Variants in TENM4 observed in about 807,000 individuals in gnomAD.
TENM4 encodes teneurin-4.
TENM4 carries 82 observed loss-of-function variants against 243.3 expected under a neutral mutation model. The ratio of observed to expected loss-of-function variants is 0.34; its 90% CI spans 0.28 to 0.40. The LOEUF is 0.40. TENM4 is among the 10% of genes least tolerant of loss of function. TENM4 has a pLI of 1.00. For synonymous variants in TENM4, 1,412 were observed against 1,456.3 expected, an observed-to-expected ratio of 0.97 and a Z score of 0.69; for missense variants, 3,138 against 3,673.3, an observed-to-expected ratio of 0.85 and a Z score of 3.77.
chr11:79,154,760 C>A (rs1862570551), intron 3 of TENM4, among the ~76,000 whole-genome samples: 2 of 152,058 alleles, frequency 1.3e-5, no homozygotes, highest in South Asian at 4.1e-4. Context: ...TTCTCAGAGC[C>A]CTTGTGATCA....
intron 1 of TENM4, among the ~76,000 whole-genome samples, chr11:79,381,119 A>G (rs1367107548): frequency 6.6e-6 from 1 of 152,114 alleles, no homozygotes; most frequent in Non-Finnish European, 1.5e-5. Context: ...CGTGCAGGTC[A>G]GATAGCCCTT....
intron 18 of TENM4, among the ~76,000 whole-genome samples, chr11:78,768,383 G>A (rs144648326): frequency 1.3e-5 from 2 of 152,386 alleles, no homozygotes; most frequent in Non-Finnish European, 2.9e-5. Flanking sequence ...CCATGGGACA[G>A]AAACCACATC....
intron 15 of TENM4, among the ~76,000 whole-genome samples, chr11:78,801,779 A>G (rs1175495681): frequency 6.6e-6 from 1 of 152,146 alleles, no homozygotes; most frequent in African/African-American, 2.4e-5. Flanking sequence ...ATCACTTGGG[A>G]TTTGTCCTTT....
chr11:78,746,017 A>G (rs1053257214), intron 19 of TENM4, among the ~76,000 whole-genome samples: 4 of 152,046 alleles, frequency 2.6e-5, no homozygotes, highest in Non-Finnish European at 5.9e-5. Flanking sequence ...CAGTGGCATG[A>G]TCTTGGCTCA....
intron 6 of TENM4, among the ~76,000 whole-genome samples, chr11:78,980,782 G>T (rs1249741804): frequency 6.6e-6 from 1 of 152,212 alleles, no homozygotes; most frequent in African/African-American, 2.4e-5. Flanking sequence ...GGGGCTTAAA[G>T]AGTTCTATGA....
chr11:79,228,345 C>G (rs1335517257), intron 2 of TENM4, among the ~76,000 whole-genome samples: 4 of 152,110 alleles, frequency 2.6e-5, no homozygotes, highest in Non-Finnish European at 5.9e-5. Flanking sequence ...ATTGACTGAC[C>G]CAAGTGTCCC....
At chr11:79,267,747 T>C (rs1005847852) in intron 2 of TENM4, among the ~76,000 whole-genome samples, 1 of 152,216 alleles carries the variant, frequency 6.6e-6, no homozygotes, top group Non-Finnish European at 1.5e-5. Flanking sequence ...TGATAAACTG[T>C]AGTTTGTTGA....
chr11:79,426,260 C>G (rs1337854901), intron 1 of TENM4, among the ~76,000 whole-genome samples: 2 of 152,188 alleles, frequency 1.3e-5, no homozygotes, highest in East Asian at 3.9e-4. Flanking sequence ...ATAAGATATT[C>G]AAGTTCCCCA....
chr11:79,273,291 AAAAGTTAAAGT>A (rs1293296416), intron 2 of TENM4, among the ~76,000 whole-genome samples: 1 of 152,232 alleles, frequency 6.6e-6, no homozygotes, highest in African/African-American at 2.4e-5. Context: ...AGAGATGTTA[AAAAGTTAAAGT>A]AACCATCTTA....
chr11:79,430,417 C>T (rs544792657), intron 1 of TENM4, among the ~76,000 whole-genome samples: 31 of 152,280 alleles, frequency 2.0e-4, no homozygotes, highest in Admixed American at 8.5e-4. Flanking sequence ...TGTCCAGGTC[C>T]TGAGCCTGCC....
intron 5 of TENM4, among the ~76,000 whole-genome samples, chr11:79,066,500 A>G (rs988611803): frequency 3.9e-5 from 6 of 152,246 alleles, no homozygotes; most frequent in Non-Finnish European, 7.3e-5. Context: ...AACACCTATC[A>G]CACCTGCTGC....
intron 15 of TENM4, among the ~76,000 whole-genome samples, chr11:78,788,895 C>T (rs1370974959): frequency 6.6e-6 from 1 of 152,118 alleles, no homozygotes. Context: ...GACAGAGCAC[C>T]CTCCCTGTTA....
intron 6 of TENM4, among the ~76,000 whole-genome samples, chr11:79,041,494 C>A (rs371726009): frequency 1.2e-3 from 164 of 140,088 alleles, no homozygotes; most frequent in South Asian, 1.6e-3. Flanking sequence ...TGGAGGCACT[C>A]AAAAAAAAAA....
At chr11:78,891,394 A>G in intron 7 of TENM4, 58 bp from the exon 8 acceptor site, 1 of 1,464,038 alleles carries the variant, frequency 6.8e-7, no homozygotes, top group Non-Finnish European at 9.3e-7. Context: ...GAAGGGGGCT[A>G]GTAGAGAAAC....
At chr11:78,727,101 C>T (rs1344836456) in intron 22 of TENM4, among the ~76,000 whole-genome samples, 1 of 152,172 alleles carries the variant, frequency 6.6e-6, no homozygotes, top group African/African-American at 2.4e-5. Context: ...CTGGGAAATG[C>T]TTATGGAGCA....
rs375185832 is a variant in TENM4, at chr11:78,940,192, A to T, written c.494-36669T>A. Among the ~76,000 whole-genome samples, 49 of 152,302 alleles carry T rather than the reference A, an allele frequency of 3.2e-4. No homozygotes were observed. In the South Asian group the frequency reaches 1.0e-2, roughly 31 times the overall value. On this transcript the variant is annotated intron_variant, in intron 6 of 33. Coordinates refer to ENST00000278550, the MANE Select transcript of TENM4 (RefSeq NM_001098816.3). ...ATACTGTATATACAGTTTATATCCAATCTCCACTTAACATTATACTATGAG... is the reference window on the plus strand; with the variant it reads ...ATACTGTATATACAGTTTATATCCATTCTCCACTTAACATTATACTATGAG...
At chr11:79,433,160 T>G (rs891285818) in intron 1 of TENM4, among the ~76,000 whole-genome samples, 1 of 152,196 alleles carries the variant, frequency 6.6e-6, no homozygotes, top group African/African-American at 2.4e-5. Flanking sequence ...TGATTATGAC[T>G]TTCTGAAATA....
chr11:78,756,845 T>C lies in TENM4; in HGVS notation c.2716A>G (p.Ser906Gly), dbSNP rs1294491150. Residue 906 changes from serine (S) to glycine (G), a missense_variant, in exon 19 of 34, where the codon AGC becomes GGC. This residue lies in a region of TENM4 where 2,467 missense variants were observed against 3,059.1 expected (regional missense o/e 0.81). Transcript: ENST00000278550. ...DRIKFLVGRD[S>G]THIIPGENPF... is the part of the protein sequence containing the mutation. Reference sequence around the variant, plus strand: ...TTCTCCCCGGGGATTATGTGCGTGCTGTCCCTGCCCACGAGGAACTTGATG... The same window carrying C: ...TTCTCCCCGGGGATTATGTGCGTGCCGTCCCTGCCCACGAGGAACTTGATG... 1 of 1,613,844 alleles carries C rather than the reference T, an allele frequency of 6.2e-7. No homozygotes were observed. Among genetic ancestry groups the C allele is most frequent in the African/African-American group, 1.3e-5 (1 of 74,938 alleles).
At position 78,701,970 on chromosome 11, in the gene TENM4, C is replaced by G. The variant is rs1424012887; in HGVS notation, c.4643G>C (p.Gly1548Ala). The G allele has an allele frequency of 1.2e-5, 19 of 1,613,998 alleles. No individual in the cohort carries two copies. Among genetic ancestry groups the G allele is most frequent in the Non-Finnish European group, 1.6e-5 (19 of 1,179,888 alleles). The change falls in exon 28 of 34, where the codon GGG becomes GCG. Residue 1548 changes from glycine (G) to alanine (A), a missense_variant. Physicochemically the swap from Gly to Ala is moderately conservative, Grantham distance 60. Coordinates refer to ENST00000278550, the MANE Select transcript of TENM4 (RefSeq NM_001098816.3). ...TPSSLAVCADGELYVADLGNI... is the reference protein window; with the variant it reads ...TPSSLAVCADAELYVADLGNI... ...CCCAAGGTCGGCCACGTAGAGCTCC[C>G]CATCAGCACACACAGCCAAGGAAGA...
Sources: allele counts gnomAD v4.1 joint callset (sites outside exome capture counted in the v4.1 genomes callset), GRCh38; gene constraint gnomAD v4.1.1; regional missense constraint gnomAD v4.1.1; transcripts MANE v1.5; gene names NCBI Gene and HGNC (gene_info 2026-07-23, HGNC 2026-07-21).